The following ZFYVE9 variants were observed in gnomAD, a reference collection of about 807,000 sequenced individuals.
The protein encoded by ZFYVE9 is zinc finger FYVE domain-containing protein 9.
In ZFYVE9, 43 loss-of-function variants were observed where a neutral mutation model predicts 126.7. The observed-to-expected ratio is 0.34, with a 90% CI of 0.27 to 0.44. The LOEUF (loss-of-function observed/expected upper bound fraction) is 0.44. Ranked by LOEUF, ZFYVE9 falls within the 20% of genes least tolerant of loss-of-function variation. ZFYVE9 has a pLI of 1.00. For synonymous variants in ZFYVE9, 521 were observed against 597.4 expected, an observed-to-expected ratio of 0.87 and a Z score of 1.87; for missense variants, 1,476 against 1,697.0, an observed-to-expected ratio of 0.87 and a Z score of 2.29.
At chr1:52,259,989 T>A (rs1645563388) in intron 4 of ZFYVE9, among the ~76,000 whole-genome samples, 1 of 152,148 alleles carries the variant, frequency 6.6e-6, no homozygotes, top group Non-Finnish European at 1.5e-5. Context: ...TGTTTACAAC[T>A]TTTATTATAA....
At chr1:52,281,472 A>G (rs944284194) in intron 9 of ZFYVE9, among the ~76,000 whole-genome samples, 189 bp from the exon 10 acceptor site, 2 of 152,312 alleles carry the variant, frequency 1.3e-5, no homozygotes, top group Admixed American at 6.5e-5. Flanking sequence ...AGCCAGAGGC[A>G]TTGGCATGTT....
At chr1:52,295,042 C>T (rs1645959470) in intron 11 of ZFYVE9, among the ~76,000 whole-genome samples, 1 of 152,110 alleles carries the variant, frequency 6.6e-6, no homozygotes, top group Admixed American at 6.5e-5. Flanking sequence ...CCCATCTCTA[C>T]TAAAAATACA....
intron 1 of ZFYVE9, among the ~76,000 whole-genome samples, chr1:52,149,203 C>T (rs1339196187): frequency 2.0e-5 from 3 of 151,454 alleles, no homozygotes; most frequent in African/African-American, 7.3e-5. Context: ...GAATGAAGGT[C>T]TAAAACTTGC....
At chr1:52,282,243 T>C (rs1018286940) in intron 10 of ZFYVE9, among the ~76,000 whole-genome samples, 2 of 151,692 alleles carry the variant, frequency 1.3e-5, no homozygotes, top group Non-Finnish European at 2.9e-5. Context: ...AAATTGTAAA[T>C]ATTAACTGTA....
At chr1:52,231,122 A>G (rs1194957931) in intron 2 of ZFYVE9, among the ~76,000 whole-genome samples, 1 of 152,252 alleles carries the variant, frequency 6.6e-6, no homozygotes, top group Non-Finnish European at 1.5e-5. Flanking sequence ...TGCTCTTAGC[A>G]TTAGTAGACA....
intron 4 of ZFYVE9, among the ~76,000 whole-genome samples, chr1:52,251,567 T>C (rs75382922): frequency 9.3e-4 from 141 of 152,252 alleles, no homozygotes; most frequent in African/African-American, 3.3e-3. Context: ...GGTCATGGTG[T>C]ATAATTCTAT....
intron 17 of ZFYVE9, among the ~76,000 whole-genome samples, chr1:52,342,356 C>T (rs1646445314): frequency 6.7e-6 from 1 of 150,368 alleles, no homozygotes; most frequent in Non-Finnish European, 1.5e-5. Flanking sequence ...AGCTCCGCCT[C>T]CCGGGTACAC....
At chr1:52,260,233 A>G (rs942150218) in intron 4 of ZFYVE9, among the ~76,000 whole-genome samples, 2 of 152,136 alleles carry the variant, frequency 1.3e-5, no homozygotes, top group African/African-American at 4.8e-5. Flanking sequence ...GTCTCATAGT[A>G]AAAACATACT....
Position 52,238,097 on chromosome 1 carries a change from A to C in ZFYVE9, c.680A>C (p.Asn227Thr). 6.2e-7 allele frequency: 1 copy of C among 1,614,088 alleles called. No homozygotes were observed. The change falls in exon 4 of 19, where the codon AAC becomes ACC. Residue 227 changes from asparagine (N) to threonine (T), a missense_variant. Physicochemically the swap from Asn to Thr is moderately conservative, Grantham distance 65. Around this residue, in one of 2 missense-constraint regions of ZFYVE9, gnomAD observed 807 missense variants for 794.6 expected, o/e 1.02. Transcript: ENST00000287727. ...NRPKTEGRSV[N>T]HLCPTSSDSL... Reference sequence around the variant, plus strand: ...CCGAAAACAGAGGGGAGATCTGTTAACCATCTGTGTCCTACTTCATCTGAT... The same window carrying C: ...CCGAAAACAGAGGGGAGATCTGTTACCCATCTGTGTCCTACTTCATCTGAT...
intron 4 of ZFYVE9, among the ~76,000 whole-genome samples, chr1:52,244,509 A>G (rs1645365062): frequency 6.6e-6 from 1 of 152,234 alleles, no homozygotes; most frequent in South Asian, 2.1e-4. Context: ...TACTTCATAT[A>G]GAAAATATAA....
At chr1:52,246,893 A>G (rs972031879) in intron 4 of ZFYVE9, among the ~76,000 whole-genome samples, 1 of 151,994 alleles carries the variant, frequency 6.6e-6, no homozygotes, top group African/African-American at 2.4e-5. Context: ...TTTTTAGTAG[A>G]GACGGGGTTT....
intron 2 of ZFYVE9, among the ~76,000 whole-genome samples, chr1:52,224,431 G>A (rs1645151674): frequency 6.6e-6 from 1 of 152,158 alleles, no homozygotes; most frequent in Non-Finnish European, 1.5e-5. Flanking sequence ...GTCGTCTTTG[G>A]GAGGTATTGA....
At chr1:52,270,021 C>T (rs1385690839) in intron 7 of ZFYVE9, among the ~76,000 whole-genome samples, 1 of 151,774 alleles carries the variant, frequency 6.6e-6, no homozygotes, top group East Asian at 1.9e-4. Flanking sequence ...ATACTCTTCA[C>T]CTATCTTCAT....
At chr1:52,335,394 G>C (rs1646379266) in intron 15 of ZFYVE9, among the ~76,000 whole-genome samples, 1 of 152,172 alleles carries the variant, frequency 6.6e-6, no homozygotes, top group South Asian at 2.1e-4. Flanking sequence ...GGGATCACTT[G>C]AAGTTATCTG....
At chr1:52,211,066 G>A (rs566750552) in intron 1 of ZFYVE9, among the ~76,000 whole-genome samples, 1 of 152,218 alleles carries the variant, frequency 6.6e-6, no homozygotes, top group Non-Finnish European at 1.5e-5. Context: ...GCAGATCACC[G>A]AAATGTGGGC....
intron 1 of ZFYVE9, among the ~76,000 whole-genome samples, chr1:52,186,254 A>G (rs1557445095): frequency 6.7e-6 from 1 of 148,742 alleles, no homozygotes; most frequent in Non-Finnish European, 1.5e-5. Context: ...AAAAAAAAAC[A>G]AAACAAAACC....
At chr1:52,198,391 C>T (rs543912315) in intron 1 of ZFYVE9, among the ~76,000 whole-genome samples, 29 of 151,986 alleles carry the variant, frequency 1.9e-4, no homozygotes, top group Non-Finnish European at 4.0e-4. Context: ...GCTACTGTGC[C>T]CAGCCTGTAG....
chr1:52,205,519 A>G (rs1383331935), intron 1 of ZFYVE9, among the ~76,000 whole-genome samples: 2 of 149,954 alleles, frequency 1.3e-5, no homozygotes, highest in East Asian at 3.9e-4. Context: ...GTGCACCACC[A>G]TGCCTGGCTA....
chr1:52,174,827 C>G (rs2124529793), intron 1 of ZFYVE9, among the ~76,000 whole-genome samples: 1 of 152,008 alleles, frequency 6.6e-6, no homozygotes, highest in Admixed American at 6.5e-5. Context: ...GGATTGCAAC[C>G]CCTGCCTTTT....
Sources: allele counts gnomAD v4.1 joint callset (sites outside exome capture counted in the v4.1 genomes callset), GRCh38; gene constraint gnomAD v4.1.1; regional missense constraint gnomAD v4.1.1; transcripts MANE v1.5; gene names NCBI Gene and HGNC (gene_info 2026-07-23, HGNC 2026-07-21).